MGLL: variants seen among roughly 807,000 people sequenced by gnomAD.
The protein encoded by MGLL is lysophospholipase homolog.
In MGLL, 7 loss-of-function variants were observed where a neutral mutation model predicts 29.1. The ratio of observed to expected loss-of-function variants is 0.24; its 90% CI spans 0.14 to 0.45. The LOEUF (loss-of-function observed/expected upper bound fraction) is 0.45. Among genes scored for constraint, MGLL ranks in the 20% least tolerant of loss-of-function variants. The pLI, the probability that MGLL is intolerant of heterozygous loss-of-function variation, is 0.99. For missense variants in MGLL, 356 were observed against 413.6 expected (o/e 0.86, Z 1.21); for synonymous variants, 148 against 168.3 (o/e 0.88, Z 0.93).
At chr3:127,733,642 G>T (rs2076190601) in intron 3 of MGLL, among the ~76,000 whole-genome samples, 1 of 152,196 alleles carries the variant, frequency 6.6e-6, no homozygotes, top group African/African-American at 2.4e-5. Flanking sequence ...AGAGAGAGGG[G>T]AGGCTGAGGA....
rs1343312559 is a variant in MGLL, at chr3:127,774,934, G to T, written c.262+6855C>A. Reference sequence around the variant, plus strand: ...ATCATGGTCCTCATTTTACAAACGAGCAACTGAGCCACATGGAGGTTTTTG... The same window carrying T: ...ATCATGGTCCTCATTTTACAAACGATCAACTGAGCCACATGGAGGTTTTTG... On this transcript the variant is annotated intron_variant, in intron 3 of 7. Coordinates refer to ENST00000265052, the MANE Select transcript of MGLL (RefSeq NM_007283.7). Among the ~76,000 whole-genome samples, 3 of 150,484 alleles carry T rather than the reference G, an allele frequency of 2.0e-5. No individual in the cohort carries two copies. In the Admixed American group the frequency reaches 2.0e-4, roughly 10 times the overall value.
At chr3:127,785,401 G>A (rs2107714231) in intron 2 of MGLL, among the ~76,000 whole-genome samples, 1 of 152,388 alleles carries the variant, frequency 6.6e-6, no homozygotes, top group Non-Finnish European at 1.5e-5. Context: ...CTGATGGAAG[G>A]TCACATTCAC....
chr3:127,762,574 G>A lies in MGLL; in HGVS notation c.262+19215C>T, dbSNP rs573356430. Among the ~76,000 whole-genome samples, 822 of 152,284 alleles carry A rather than the reference G, an allele frequency of 5.4e-3. 14 individuals carry two copies. Among genetic ancestry groups the A allele is most frequent in the Non-Finnish European group, 3.9e-3 (267 of 68,022 alleles). ...AACCTGGTTCTGGGAGCTGGGGCCTGAGATCCGGGTCCAAAACTGCCACCA... is the reference window on the plus strand; with the variant it reads ...AACCTGGTTCTGGGAGCTGGGGCCTAAGATCCGGGTCCAAAACTGCCACCA... On this transcript the variant is annotated intron_variant, in intron 3 of 7. Coordinates refer to ENST00000265052, the MANE Select transcript of MGLL (RefSeq NM_007283.7).
At chr3:127,812,121 G>A (rs973575943) in intron 2 of MGLL, among the ~76,000 whole-genome samples, 1 of 152,208 alleles carries the variant, frequency 6.6e-6, no homozygotes, top group Admixed American at 6.5e-5. Context: ...ATATGCCAAA[G>A]ACTGGAATAC....
At chr3:127,738,048 C>T (rs562108624) in intron 3 of MGLL, among the ~76,000 whole-genome samples, 4 of 152,116 alleles carry the variant, frequency 2.6e-5, no homozygotes, top group Admixed American at 6.5e-5. Context: ...GACCTGTAAT[C>T]CCAGCACTTT....
chr3:127,805,820 G>C (rs1366201816), intron 2 of MGLL, among the ~76,000 whole-genome samples: 1 of 152,226 alleles, frequency 6.6e-6, no homozygotes, highest in Admixed American at 6.5e-5. Flanking sequence ...GAGTCAGGGA[G>C]GTAAAGCCAG....
At chr3:127,779,869 C>T (rs1487872734) in intron 3 of MGLL, among the ~76,000 whole-genome samples, 1 of 152,190 alleles carries the variant, frequency 6.6e-6, no homozygotes, top group Non-Finnish European at 1.5e-5. Flanking sequence ...CACAAGATCC[C>T]CAAAATGGCA....
chr3:127,730,580 G>C (rs2076132115), intron 3 of MGLL, among the ~76,000 whole-genome samples: 1 of 152,184 alleles, frequency 6.6e-6, no homozygotes, highest in Admixed American at 6.5e-5. Flanking sequence ...GCTTCCGGAA[G>C]AGGAGGTGAG....
chr3:127,746,877 C>T (rs1049532955), intron 3 of MGLL, among the ~76,000 whole-genome samples: 2 of 152,150 alleles, frequency 1.3e-5, no homozygotes, highest in South Asian at 4.1e-4. Context: ...AGGAGATAAC[C>T]CTGCCCCTCC....
chr3:127,804,255 G>A (rs1048117213), intron 2 of MGLL, among the ~76,000 whole-genome samples: 2 of 152,236 alleles, frequency 1.3e-5, no homozygotes, highest in African/African-American at 2.4e-5. Context: ...GGATGGGGCC[G>A]CAGAGCCAGA....
chr3:127,821,720 C>T lies in MGLL; in HGVS notation c.129G>A (p.Arg43=), dbSNP rs745792256. The T allele has an allele frequency of 6.2e-7, 1 of 1,614,092 alleles. No individual in the cohort carries two copies. The highest frequency in any genetic ancestry group is 8.5e-7 in the Non-Finnish European group (1 of 1,180,016). Residue 43 remains arginine (R), a synonymous_variant, in exon 2 of 8, where the codon AGG becomes AGA. Transcript: ENST00000265052. ...VNADGQYLFC[R]YWKPTGTPKA... is the part of the protein sequence containing the mutation. ...TGGGTGTGCCTGTGGGTTTCCAGTA[C>T]CTGCAGAAGAGGTACTGTCCGTCTG...
intron 2 of MGLL, among the ~76,000 whole-genome samples, chr3:127,801,371 C>G (rs1043538100): frequency 3.9e-4 from 59 of 150,784 alleles, no homozygotes; most frequent in Non-Finnish European, 1.5e-4. Flanking sequence ...AATCTCAGCA[C>G]TTTGTGAGGC....
intron 1 of MGLL, chr3:127,822,039 G>A: frequency 1.5e-6 from 1 of 676,502 alleles, no homozygotes; most frequent in Non-Finnish European, 2.4e-6. Flanking sequence ...TTAAGAAAAT[G>A]CTCACTTTAT....
intron 2 of MGLL, among the ~76,000 whole-genome samples, chr3:127,796,744 G>A (rs1013099607): frequency 3.3e-5 from 5 of 152,154 alleles, no homozygotes; most frequent in African/African-American, 1.2e-4. Flanking sequence ...AGCTCTCCCA[G>A]CGTAAGGATA....
upstream of MGLL, chr3:127,822,683 A>C: frequency 5.8e-5 from 17 of 292,338 alleles, no homozygotes; most frequent in South Asian, 8.8e-5. Context: ...AGACGCACAA[A>C]TGCGGGTGCC....
intron 2 of MGLL, among the ~76,000 whole-genome samples, chr3:127,808,982 G>A (rs2077613913): frequency 6.6e-6 from 1 of 152,158 alleles, no homozygotes. Context: ...TATTATCAAG[G>A]TATATTTATA....
chr3:127,796,532 T>A (rs2077386059), intron 2 of MGLL, among the ~76,000 whole-genome samples: 1 of 152,212 alleles, frequency 6.6e-6, no homozygotes. Context: ...ATCCAGTAGA[T>A]GAGAAACCTC....
At chr3:127,711,079 A>G in intron 5 of MGLL, 1 of 316,294 alleles carries the variant, frequency 3.2e-6, no homozygotes, top group Non-Finnish European at 6.3e-6. Context: ...AGCACGAAGC[A>G]GGGCAGTGCG....
chr3:127,771,388 G>A (rs907885889), intron 3 of MGLL, among the ~76,000 whole-genome samples: 28 of 152,076 alleles, frequency 1.8e-4, no homozygotes, highest in Non-Finnish European at 2.1e-4. Context: ...TCGCTCTGTC[G>A]CCCAGGTTGG....
Sources: gnomAD v4.1 joint callset for allele counts (sites outside exome capture counted in the v4.1 genomes callset) on GRCh38, gnomAD v4.1.1 for gene constraint, MANE v1.5 for transcripts, NCBI Gene and HGNC (gene_info 2026-07-23, HGNC 2026-07-21) for gene names.